The following PCDH15 variants were observed in gnomAD, a reference collection of about 807,000 sequenced individuals.
PCDH15 encodes the protein protocadherin-15.
PCDH15 carries 129 observed loss-of-function variants against 178.5 expected under a neutral mutation model. The observed-to-expected ratio is 0.72, with a 90% confidence interval of 0.63 to 0.84. The LOEUF is 0.84. Ranked by LOEUF, PCDH15 falls within the 40% of genes least tolerant of loss-of-function variation. The pLI is 0.00. For synonymous variants in PCDH15, 800 were observed against 732.0 expected, an observed-to-expected ratio of 1.09 and a Z score of -1.50; for missense variants, 2,230 against 2,099.9, an observed-to-expected ratio of 1.06 and a Z score of -1.21.
chr10:54,431,733 A>G (rs1956990536), intron 3 of PCDH15, among the ~76,000 whole-genome samples: 1 of 152,146 alleles, frequency 6.6e-6, no homozygotes, highest in Admixed American at 6.6e-5. Flanking sequence ...GTTGTTTAAC[A>G]CAGTACAGAA....
chr10:55,313,434 C>A (rs2132291240), intron 1 of PCDH15, among the ~76,000 whole-genome samples: 1 of 152,258 alleles, frequency 6.6e-6, no homozygotes, highest in East Asian at 1.9e-4. Context: ...CTGTGGAGAA[C>A]TAACCTCGTA....
Position 54,308,470 on chromosome 10 carries a change from T to G in PCDH15, c.876+8801A>C, listed in dbSNP as rs182487583. On this transcript the variant is annotated intron_variant, in intron 8 of 37. Transcript: ENST00000644397. ...CTCCTTAATAGTTATTTTATACCTGTTTCTTATTATTTATTTATTCCACTA... is the reference window on the plus strand; with the variant it reads ...CTCCTTAATAGTTATTTTATACCTGGTTCTTATTATTTATTTATTCCACTA... Among the ~76,000 whole-genome samples, 329 of 152,126 alleles carry G rather than the reference T, an allele frequency of 2.2e-3. 1 individual carries two copies. The highest frequency in any genetic ancestry group is 5.6e-3 in the African/African-American group (231 of 41,522).
chr10:53,933,363 C>T (rs1163815081), intron 25 of PCDH15, among the ~76,000 whole-genome samples: 3 of 151,118 alleles, frequency 2.0e-5, no homozygotes, highest in Non-Finnish European at 2.9e-5. Flanking sequence ...TGTGATGTTC[C>T]CCTTCTGTGT....
At chr10:55,289,925 C>T (rs1842966356) in intron 1 of PCDH15, among the ~76,000 whole-genome samples, 1 of 150,188 alleles carries the variant, frequency 6.7e-6, no homozygotes, top group South Asian at 2.1e-4. Flanking sequence ...TAAAAGCAAG[C>T]TGGCTGCCTC....
intron 21 of PCDH15, among the ~76,000 whole-genome samples, chr10:53,984,302 A>C (rs1036604290): frequency 1.1e-4 from 16 of 150,322 alleles, no homozygotes; most frequent in African/African-American, 3.9e-4. Flanking sequence ...GGCGCCCACC[A>C]CCATGCTCGG....
At chr10:54,561,947 G>A (rs2088224303) in intron 2 of PCDH15, among the ~76,000 whole-genome samples, 1 of 144,776 alleles carries the variant, frequency 6.9e-6, no homozygotes. Flanking sequence ...CTCCCAAAGT[G>A]CTGGGATTAC....
chr10:54,054,130 T>G (rs1393601932), intron 18 of PCDH15, among the ~76,000 whole-genome samples: 2 of 152,140 alleles, frequency 1.3e-5, no homozygotes. Context: ...TGTTGAAATT[T>G]AGATGCTTTC....
chr10:55,051,543 T>C (rs1172588522), intron 2 of PCDH15, among the ~76,000 whole-genome samples: 1 of 152,170 alleles, frequency 6.6e-6, no homozygotes, highest in Non-Finnish European at 1.5e-5. Context: ...AGTTATCCTA[T>C]TTTTCTCTCC....
intron 11 of PCDH15, among the ~76,000 whole-genome samples, chr10:54,194,650 CTCTATCTATCTATCTATCTA>C (rs58429895): frequency 6.8e-6 from 1 of 147,998 alleles, no homozygotes. Flanking sequence ...GTGTATATAT[CTCTATCTATCTATCTATCTA>C]TCTATCTATC....
At chr10:54,367,513 A>G (rs1399178917) in intron 5 of PCDH15, among the ~76,000 whole-genome samples, 1 of 152,046 alleles carries the variant, frequency 6.6e-6, no homozygotes, top group Non-Finnish European at 1.5e-5. Flanking sequence ...AGTTAGTGAC[A>G]TGGATGAGGC....
At chr10:53,993,343 G>C (rs1169052463) in intron 21 of PCDH15, among the ~76,000 whole-genome samples, 1 of 152,154 alleles carries the variant, frequency 6.6e-6, no homozygotes, top group Admixed American at 6.5e-5. Flanking sequence ...TTTCCTGGCA[G>C]ACTAGTAAGT....
intron 3 of PCDH15, among the ~76,000 whole-genome samples, chr10:54,823,221 A>ACACACACACG (rs1554802973): frequency 7.9e-4 from 119 of 151,422 alleles, no homozygotes; most frequent in African/African-American, 2.8e-3. Flanking sequence ...ACACACACAC[A>ACACACACACG]CACACGCACA....
At chr10:54,811,448 A>T (rs138238613) in intron 3 of PCDH15, among the ~76,000 whole-genome samples, 1,838 of 152,184 alleles carry the variant, frequency 0.012, 27 homozygotes, top group African/African-American at 0.036. Flanking sequence ...TCGCTAATTC[A>T]GTTATAGCTA....
intron 20 of PCDH15, among the ~76,000 whole-genome samples, chr10:54,016,266 A>C (rs1183824663): frequency 6.6e-6 from 1 of 151,984 alleles, no homozygotes; most frequent in East Asian, 1.9e-4. Context: ...AAAAAAGAAA[A>C]AAAAAAACAT....
intron 2 of PCDH15, among the ~76,000 whole-genome samples, chr10:55,162,767 T>A (rs1457160278): frequency 6.6e-6 from 1 of 152,110 alleles, no homozygotes; most frequent in East Asian, 1.9e-4. Flanking sequence ...CTTCCTATTG[T>A]CAATGGAGAG....
At chr10:54,253,991 C>CT (rs1289163630) in intron 8 of PCDH15, among the ~76,000 whole-genome samples, 1 of 151,914 alleles carries the variant, frequency 6.6e-6, no homozygotes, top group Non-Finnish European at 1.5e-5. Flanking sequence ...GAAAAATACA[C>CT]TAGCAGTAAT....
intron 25 of PCDH15, among the ~76,000 whole-genome samples, chr10:53,930,455 C>A (rs528735712): frequency 1.5e-5 from 1 of 68,276 alleles, no homozygotes; most frequent in East Asian, 4.3e-4. Flanking sequence ...GAGACTCCCT[C>A]TCAAAAAAAA....
intron 8 of PCDH15, among the ~76,000 whole-genome samples, chr10:54,254,334 T>C (rs1246929733): frequency 1.3e-5 from 2 of 152,070 alleles, no homozygotes; most frequent in Non-Finnish European, 2.9e-5. Flanking sequence ...CAGGATATAC[T>C]AGCAACATAA....
intron 3 of PCDH15, among the ~76,000 whole-genome samples, chr10:54,526,349 A>C (rs2083362212): frequency 6.6e-6 from 1 of 152,226 alleles, no homozygotes; most frequent in South Asian, 2.1e-4. Flanking sequence ...AACAATTAGA[A>C]AAGAAATTGT....
Sources: allele counts gnomAD v4.1 joint callset (sites outside exome capture counted in the v4.1 genomes callset), GRCh38; gene constraint gnomAD v4.1.1; transcripts MANE v1.5; gene names NCBI Gene and HGNC (gene_info 2026-07-23, HGNC 2026-07-21).